The following FRMD5 variants were observed in gnomAD, a reference collection of about 807,000 sequenced individuals.
The protein encoded by FRMD5 is FERM domain-containing protein 5.
FRMD5 carries 20 observed loss-of-function variants against 69.0 expected under a neutral mutation model. The observed-to-expected ratio is 0.29, with a 90% CI of 0.20 to 0.42. The LOEUF is 0.42. Ranked by LOEUF, FRMD5 falls within the 10% of genes least tolerant of loss-of-function variation. FRMD5 has a pLI of 1.00. For missense variants in FRMD5, 595 were observed against 708.6 expected (o/e 0.84, Z 1.82); for synonymous variants, 271 against 260.1 (o/e 1.04, Z -0.40).
chr15:44,167,505 C>T (rs2077729798), intron 1 of FRMD5, among the ~76,000 whole-genome samples: 1 of 152,190 alleles, frequency 6.6e-6, no homozygotes, highest in East Asian at 1.9e-4. Flanking sequence ...ATTTGGCCTA[C>T]TACCTTTTGA....
intron 1 of FRMD5, among the ~76,000 whole-genome samples, chr15:44,042,985 A>AT (rs1350278391): frequency 3.3e-5 from 5 of 152,188 alleles, no homozygotes; most frequent in African/African-American, 1.2e-4. Flanking sequence ...AGGAAGTCAA[A>AT]TTGTCCCTAT....
At chr15:44,001,889 T>C (rs1890230415) in intron 1 of FRMD5, among the ~76,000 whole-genome samples, 1 of 152,054 alleles carries the variant, frequency 6.6e-6, no homozygotes, top group African/African-American at 2.4e-5. Flanking sequence ...CCCGGATAAT[T>C]TTTGTAATTT....
At chr15:44,186,506 T>A (rs1169991264) in intron 1 of FRMD5, among the ~76,000 whole-genome samples, 1 of 152,214 alleles carries the variant, frequency 6.6e-6, no homozygotes. Flanking sequence ...GGGTTCCTAA[T>A]GATTTGGCTT....
chr15:44,010,541 T>C (rs905341948), intron 1 of FRMD5, among the ~76,000 whole-genome samples: 3 of 151,912 alleles, frequency 2.0e-5, no homozygotes, highest in Admixed American at 1.3e-4. Context: ...GGCTAATTAA[T>C]AACTGGCTAA....
At chr15:43,883,539 C>T (rs990716447) in intron 13 of FRMD5, among the ~76,000 whole-genome samples, 164 bp downstream of exon 13, 20 of 152,222 alleles carry the variant, frequency 1.3e-4, no homozygotes, top group African/African-American at 4.8e-4. Context: ...TTACCCTGTA[C>T]CCAGCTAATA....
intron 1 of FRMD5, among the ~76,000 whole-genome samples, chr15:44,106,058 T>G (rs183383661): frequency 5.4e-4 from 83 of 152,350 alleles, no homozygotes; most frequent in Admixed American, 5.0e-3. Context: ...TTTTTTATTA[T>G]TTTTTCTTGT....
intron 1 of FRMD5, among the ~76,000 whole-genome samples, chr15:43,993,819 T>C (rs1339513570): frequency 6.6e-6 from 1 of 152,224 alleles, no homozygotes; most frequent in Non-Finnish European, 1.5e-5. Context: ...CTGACCTCCT[T>C]ATCTTTATAT....
Position 44,015,703 on chromosome 15 carries a change from A to G in FRMD5, c.103-91394T>C, listed in dbSNP as rs1181290682. On this transcript the variant is annotated intron_variant, in intron 1 of 13. Transcript: ENST00000417257. ...TTCAGGGTTGGGCTGCCAAGTCCAC[A>G]TGCTTTCTTTCATGGTTTGCCAGCA... Among the ~76,000 whole-genome samples the G allele has an allele frequency of 3.9e-5, 6 of 152,186 alleles. No homozygotes were observed. In the South Asian group the frequency reaches 6.2e-4, roughly 16 times the overall value.
chr15:43,961,088 T>C (rs930051609), intron 1 of FRMD5, among the ~76,000 whole-genome samples: 5 of 148,690 alleles, frequency 3.4e-5, no homozygotes, highest in African/African-American at 1.0e-4. Context: ...CACAAAAAAA[T>C]CCTTCAAAAA....
At chr15:44,109,669 G>C (rs759687573) in intron 1 of FRMD5, among the ~76,000 whole-genome samples, 2 of 151,476 alleles carry the variant, frequency 1.3e-5, no homozygotes, top group Non-Finnish European at 2.9e-5. Context: ...ATCACCCAAA[G>C]TCCATAGTTC....
At chr15:43,948,223 T>A (rs776467341) in intron 1 of FRMD5, among the ~76,000 whole-genome samples, 20 of 152,204 alleles carry the variant, frequency 1.3e-4, no homozygotes, top group Non-Finnish European at 4.4e-5. Flanking sequence ...CCATATGGCA[T>A]TTTCCAAAAT....
intron 1 of FRMD5, among the ~76,000 whole-genome samples, chr15:43,963,918 A>G (rs1284048828): frequency 6.6e-6 from 1 of 152,042 alleles, no homozygotes; most frequent in African/African-American, 2.4e-5. Flanking sequence ...GGGTTAGGGG[A>G]GGGCGGAGGG....
intron 1 of FRMD5, among the ~76,000 whole-genome samples, chr15:44,040,515 G>A (rs1892140159): frequency 6.6e-6 from 1 of 152,034 alleles, no homozygotes; most frequent in South Asian, 2.1e-4. Context: ...AATATTCAAT[G>A]TTCTTAAAGA....
chr15:43,985,763 T>C (rs193092747), intron 1 of FRMD5, among the ~76,000 whole-genome samples: 1 of 152,272 alleles, frequency 6.6e-6, no homozygotes. Context: ...CAAATCAGTA[T>C]TTCAAACAAA....
chr15:44,064,823 T>C (rs975770637), intron 1 of FRMD5, among the ~76,000 whole-genome samples: 2 of 152,182 alleles, frequency 1.3e-5, no homozygotes, highest in Non-Finnish European at 2.9e-5. Flanking sequence ...GAAAATTATG[T>C]CTTGTACTCA....
At chr15:44,147,892 T>G (rs2077380641) in intron 1 of FRMD5, among the ~76,000 whole-genome samples, 1 of 152,202 alleles carries the variant, frequency 6.6e-6, no homozygotes, top group Non-Finnish European at 1.5e-5. Context: ...TGCTTGCACA[T>G]AGCTTGCAGG....
intron 1 of FRMD5, among the ~76,000 whole-genome samples, chr15:44,113,874 T>A (rs1234176441): frequency 6.6e-6 from 1 of 152,206 alleles, no homozygotes; most frequent in African/African-American, 2.4e-5. Flanking sequence ...ACATGATATA[T>A]GTGAACTTTA....
At chr15:44,128,701 C>T (rs1027379431) in intron 1 of FRMD5, among the ~76,000 whole-genome samples, 2 of 151,992 alleles carry the variant, frequency 1.3e-5, no homozygotes, top group African/African-American at 2.4e-5. Flanking sequence ...AATAATATGA[C>T]TACTTTCAGG....
intron 1 of FRMD5, among the ~76,000 whole-genome samples, chr15:43,969,156 T>C (rs966177712): frequency 6.6e-6 from 1 of 151,728 alleles, no homozygotes; most frequent in Non-Finnish European, 1.5e-5. Flanking sequence ...GGCACAATCA[T>C]GGCTCACTGC....
Sources: allele counts gnomAD v4.1 joint callset (sites outside exome capture counted in the v4.1 genomes callset), GRCh38; gene constraint gnomAD v4.1.1; transcripts MANE v1.5; gene names NCBI Gene and HGNC (gene_info 2026-07-23, HGNC 2026-07-21).